The following SDK1 variants were observed in gnomAD, a reference collection of about 807,000 sequenced individuals.
SDK1 encodes the protein protein sidekick-1.
SDK1 carries 157 observed loss-of-function variants against 245.5 expected under a neutral mutation model. The observed-to-expected ratio is 0.64, with a 90% CI of 0.56 to 0.73. SDK1 has a LOEUF of 0.73. SDK1 is among the 30% of genes least tolerant of loss of function. The pLI, the probability that SDK1 is intolerant of heterozygous loss-of-function variation, is 0.00. For missense variants in SDK1, 3,583 were observed against 3,002.3 expected, an observed-to-expected ratio of 1.19 and a Z score of -4.52; for synonymous variants, 1,647 against 1,278.5, an observed-to-expected ratio of 1.29 and a Z score of -6.15.
At chr7:3,404,564 C>T (rs529822810) in intron 1 of SDK1, among the ~76,000 whole-genome samples, 1 of 152,316 alleles carries the variant, frequency 6.6e-6, no homozygotes, top group South Asian at 2.1e-4. Flanking sequence ...AAAGAATATT[C>T]AGTAAAAAGT....
At chr7:4,076,810 G>C (rs749873173) in intron 20 of SDK1, among the ~76,000 whole-genome samples, 188 bp from the exon 21 acceptor site, 4 of 152,120 alleles carry the variant, frequency 2.6e-5, no homozygotes, top group Non-Finnish European at 5.9e-5. Flanking sequence ...TTACGAGATC[G>C]CATTGGGCAC....
chr7:4,020,625 T>G (rs550685760), intron 17 of SDK1, among the ~76,000 whole-genome samples: 2 of 152,120 alleles, frequency 1.3e-5, no homozygotes, highest in African/African-American at 4.8e-5. Flanking sequence ...AGAGGGACTG[T>G]GAATGCATCA....
At chr7:4,148,029 A>C (rs988160243) in intron 29 of SDK1, among the ~76,000 whole-genome samples, 5 of 150,006 alleles carry the variant, frequency 3.3e-5, no homozygotes, top group Non-Finnish European at 7.4e-5. Context: ...GATTTCGGAG[A>C]TTTTCCATTG....
chr7:3,844,617 C>G (rs1055103205), intron 5 of SDK1, among the ~76,000 whole-genome samples: 4 of 152,172 alleles, frequency 2.6e-5, no homozygotes, highest in African/African-American at 9.7e-5. Flanking sequence ...AAAGAAAAAC[C>G]CGCTTCCCTA....
chr7:3,462,241 A>G (rs778224864), intron 1 of SDK1, among the ~76,000 whole-genome samples: 3 of 152,112 alleles, frequency 2.0e-5, no homozygotes, highest in African/African-American at 7.2e-5. Context: ...TTGCCGCTCT[A>G]TCGTTTTGAA....
At chr7:3,484,647 G>A (rs1781620589) in intron 1 of SDK1, among the ~76,000 whole-genome samples, 1 of 151,884 alleles carries the variant, frequency 6.6e-6, no homozygotes, top group Non-Finnish European at 1.5e-5. Flanking sequence ...AACCAACCTC[G>A]CCTCACACTT....
intron 4 of SDK1, among the ~76,000 whole-genome samples, chr7:3,764,864 A>G (rs576115402): frequency 6.6e-6 from 1 of 152,276 alleles, no homozygotes; most frequent in African/African-American, 2.4e-5. Context: ...ATTAAGCTAA[A>G]CATTAAAGGC....
At chr7:4,182,581 GC>G (rs1782661540) in intron 35 of SDK1, among the ~76,000 whole-genome samples, 1 of 152,220 alleles carries the variant, frequency 6.6e-6, no homozygotes, top group African/African-American at 2.4e-5. Flanking sequence ...TCATAGCAGG[GC>G]TGCAGGGAAG....
intron 1 of SDK1, among the ~76,000 whole-genome samples, chr7:3,368,440 A>G (rs1185099130): frequency 6.6e-6 from 1 of 152,206 alleles, no homozygotes; most frequent in Admixed American, 6.5e-5. Context: ...TTACTATGGT[A>G]TTTCCATCCA....
chr7:3,715,889 C>T (rs1785188167), intron 4 of SDK1, among the ~76,000 whole-genome samples: 1 of 152,148 alleles, frequency 6.6e-6, no homozygotes, highest in African/African-American at 2.4e-5. Context: ...GCGTCAGCAG[C>T]AAACTATTCA....
intron 4 of SDK1, among the ~76,000 whole-genome samples, chr7:3,733,043 C>T (rs1023456578): frequency 4.6e-5 from 7 of 152,162 alleles, no homozygotes; most frequent in Non-Finnish European, 1.5e-5. Flanking sequence ...GACTTCATCC[C>T]TGGGAATCAT....
At chr7:4,086,880 C>T (rs1415859381) in intron 22 of SDK1, among the ~76,000 whole-genome samples, 2 of 152,162 alleles carry the variant, frequency 1.3e-5, no homozygotes, top group African/African-American at 4.8e-5. Context: ...ATTTTTGCCA[C>T]TGTATCTTTG....
chr7:3,320,044 A>G (rs1437482619), intron 1 of SDK1, among the ~76,000 whole-genome samples: 10 of 151,804 alleles, frequency 6.6e-5, no homozygotes, highest in African/African-American at 2.4e-4. Context: ...CAGAATCACA[A>G]TTCTTCTACA....
intron 5 of SDK1, among the ~76,000 whole-genome samples, chr7:3,827,388 G>T (rs185206321): frequency 6.6e-6 from 1 of 152,116 alleles, no homozygotes; most frequent in Non-Finnish European, 1.5e-5. Flanking sequence ...TGGAAGGCTC[G>T]TGTCTTACTC....
intron 32 of SDK1, among the ~76,000 whole-genome samples, chr7:4,166,997 G>A (rs1364157186): frequency 6.6e-6 from 1 of 152,156 alleles, no homozygotes; most frequent in African/African-American, 2.4e-5. Flanking sequence ...ACTCAACTCT[G>A]TGGCTCCAAG....
intron 5 of SDK1, among the ~76,000 whole-genome samples, chr7:3,829,794 C>A (rs1184585082): frequency 6.6e-6 from 1 of 152,164 alleles, no homozygotes; most frequent in Non-Finnish European, 1.5e-5. Context: ...ATATCAAAAC[C>A]ACTCCCGATC....
At chr7:3,627,351 A>G (rs4722976) in intron 2 of SDK1, among the ~76,000 whole-genome samples, 39,787 of 151,984 alleles carry the variant, frequency 0.26, 5,869 homozygotes, top group Non-Finnish European at 0.34. Context: ...ACCTCCTTCA[A>G]TAAGTACAAT....
At chr7:3,759,984 G>T (rs1002695264) in intron 4 of SDK1, among the ~76,000 whole-genome samples, 8 of 151,940 alleles carry the variant, frequency 5.3e-5, no homozygotes, top group African/African-American at 1.2e-4. Context: ...AATACTGGGG[G>T]TATAAATTTT....
At chr7:3,885,533 C>T (rs192912414) in intron 5 of SDK1, among the ~76,000 whole-genome samples, 7 of 152,278 alleles carry the variant, frequency 4.6e-5, no homozygotes, top group African/African-American at 1.7e-4. Flanking sequence ...AAGTCGGCCC[C>T]GTCTAGCACC....
Sources: allele counts gnomAD v4.1 joint callset (sites outside exome capture counted in the v4.1 genomes callset), GRCh38; gene constraint gnomAD v4.1.1; transcripts MANE v1.5; gene names NCBI Gene and HGNC (gene_info 2026-07-23, HGNC 2026-07-21).